KIAA1671: variants seen among roughly 807,000 people sequenced by gnomAD.
The protein encoded by KIAA1671 is KIAA1671, also known as uncharacterized protein KIAA1671.
Under a neutral mutation model 131.2 loss-of-function variants are expected in KIAA1671, and 52 were observed. That is an observed-to-expected ratio of 0.40 (90% CI 0.32 to 0.50). KIAA1671 has a LOEUF of 0.50. KIAA1671 is among the 20% of genes least tolerant of loss of function. KIAA1671 has a pLI of 0.73. For missense variants in KIAA1671, 2,360 were observed against 2,364.2 expected (o/e 1.00, Z 0.04); for synonymous variants, 1,003 against 961.6 (o/e 1.04, Z -0.80).
intron 1 of KIAA1671, among the ~76,000 whole-genome samples, chr22:25,007,129 C>T (rs1166570933): frequency 6.6e-6 from 1 of 152,092 alleles, no homozygotes; most frequent in Non-Finnish European, 1.5e-5. Context: ...ATGTTCTGCC[C>T]CCAAAACTTG....
At chr22:25,117,749 G>GA (rs1460056616) in intron 6 of KIAA1671, among the ~76,000 whole-genome samples, 2 of 151,890 alleles carry the variant, frequency 1.3e-5, no homozygotes, top group Non-Finnish European at 2.9e-5. Context: ...TCCCTACTGG[G>GA]GTCCTCCGGC....
chr22:25,093,851 TC>T (rs1930261025), intron 6 of KIAA1671, among the ~76,000 whole-genome samples: 4 of 125,754 alleles, frequency 3.2e-5, no homozygotes, highest in African/African-American at 1.1e-4. Context: ...TCTCTCTCTC[TC>T]TCTCTCTCTC....
At chr22:25,015,084 TA>T (rs1925232359) in intron 1 of KIAA1671, 1 of 151,938 alleles carries the variant, frequency 6.6e-6, no homozygotes, top group African/African-American at 2.4e-5. Context: ...ACAAAAAATT[TA>T]AAAAATTAGC....
intron 9 of KIAA1671, among the ~76,000 whole-genome samples, chr22:25,180,969 G>C (rs545126706): frequency 1.3e-5 from 2 of 152,172 alleles, no homozygotes; most frequent in Non-Finnish European, 2.9e-5. Context: ...TGGAGGAGCC[G>C]GCCAGGGGCT....
At position 25,041,072 on chromosome 22, in the gene KIAA1671, A is replaced by G. The variant is rs1012328921; in HGVS notation, c.3942A>G (p.Ile1314Met). Reference sequence around the variant, plus strand: ...AAAGGTATCCAGGGGGCTCTCCTATACCTGCGGATCCCAGGAAAAAAACGG... The same window carrying G: ...AAAGGTATCCAGGGGGCTCTCCTATGCCTGCGGATCCCAGGAAAAAAACGG... Reference protein sequence around the residue: ...PSERYPGGSPIPADPRKKTGF... With the variant: ...PSERYPGGSPMPADPRKKTGF... The change falls in exon 5 of 13, where the codon ATA (isoleucine) becomes ATG (methionine). Residue 1314 changes from isoleucine (I) to methionine (M), a missense_variant. By Grantham distance (10) the Ile-to-Met change is conservative. Coordinates refer to ENST00000358431, the MANE Select transcript of KIAA1671 (RefSeq NM_001145206.2). 10 of 1,535,640 alleles carry G rather than the reference A, an allele frequency of 6.5e-6. No individual in the cohort carries two copies. Among genetic ancestry groups the G allele is most frequent in the South Asian group, 6.2e-5 (5 of 80,836 alleles).
At chr22:25,101,080 C>A (rs1930637479) in intron 6 of KIAA1671, among the ~76,000 whole-genome samples, 1 of 152,164 alleles carries the variant, frequency 6.6e-6, no homozygotes, top group African/African-American at 2.4e-5. Flanking sequence ...GCTAACCGAG[C>A]CAACAGTATG....
At chr22:24,974,319 A>G (rs16979362) in intron 1 of KIAA1671, among the ~76,000 whole-genome samples, 2,714 of 152,180 alleles carry the variant, frequency 0.018, 81 homozygotes, top group African/African-American at 0.062. Flanking sequence ...ACAGGTACCA[A>G]TGCTACCGTT....
chr22:25,058,334 A>G (rs1927965502), intron 6 of KIAA1671: 2 of 152,248 alleles, frequency 1.3e-5, no homozygotes, highest in African/African-American at 4.8e-5. Flanking sequence ...ATTACCATCA[A>G]TGAGCCAATA....
intron 6 of KIAA1671, among the ~76,000 whole-genome samples, chr22:25,132,247 G>A (rs188636575): frequency 2.6e-5 from 4 of 152,260 alleles, no homozygotes; most frequent in East Asian, 1.9e-4. Context: ...GTTAGAGAAC[G>A]GAGGTTCTCA....
At chr22:24,960,812 A>T (rs77589844) in intron 1 of KIAA1671, among the ~76,000 whole-genome samples, 8 of 151,954 alleles carry the variant, frequency 5.3e-5, no homozygotes, top group African/African-American at 1.9e-4. Flanking sequence ...TGACCTGCCC[A>T]ATTTCCCAGC....
intron 5 of KIAA1671, among the ~76,000 whole-genome samples, chr22:25,048,774 A>G (rs1927376609): frequency 6.6e-6 from 1 of 152,182 alleles, no homozygotes; most frequent in Non-Finnish European, 1.5e-5. Context: ...GTCACCAAGA[A>G]TGACCACTGG....
At chr22:24,986,588 A>G (rs1379557969) in intron 1 of KIAA1671, among the ~76,000 whole-genome samples, 2 of 151,180 alleles carry the variant, frequency 1.3e-5, no homozygotes, top group African/African-American at 4.9e-5. Flanking sequence ...TGTAGAACCC[A>G]TGGATACAGA....
chr22:25,138,641 A>G (rs1932759217), intron 6 of KIAA1671, among the ~76,000 whole-genome samples: 1 of 152,208 alleles, frequency 6.6e-6, no homozygotes, highest in Admixed American at 6.5e-5. Context: ...ATTTTGATAT[A>G]TTCATTCATT....
intron 6 of KIAA1671, among the ~76,000 whole-genome samples, chr22:25,116,185 C>G (rs943688945): frequency 6.6e-6 from 1 of 152,080 alleles, no homozygotes; most frequent in African/African-American, 2.4e-5. Flanking sequence ...TTCAAGCCAT[C>G]CTCTCACCTC....
At chr22:25,045,748 C>T (rs1927186770) in intron 5 of KIAA1671, among the ~76,000 whole-genome samples, 1 of 151,998 alleles carries the variant, frequency 6.6e-6, no homozygotes, top group Non-Finnish European at 1.5e-5. Context: ...CACCACCATT[C>T]CTGGCTAATT....
At chr22:25,033,573 C>CG (rs1926408308) in intron 4 of KIAA1671, among the ~76,000 whole-genome samples, 4 of 71,662 alleles carry the variant, frequency 5.6e-5, no homozygotes, top group East Asian at 4.2e-4. Flanking sequence ...GGTTTGTTTT[C>CG]GTTTTTTTTT....
In KIAA1671 at chr22:25,040,935, A is replaced by T. The variant is rs760020890; in HGVS notation, c.3805A>T (p.Asn1269Tyr). The change falls in exon 5 of 13, where the codon AAT becomes TAT. Residue 1269 changes from asparagine to tyrosine, a missense_variant. Asn to Tyr is a moderately radical substitution (Grantham distance 143, BLOSUM62 -2). Transcript: ENST00000358431. ...GAAACCGGCCAGTTCTGCCGAAATAAATCACAGTTTCACTCCTGGCTTAGG... is the reference window on the plus strand; with the variant it reads ...GAAACCGGCCAGTTCTGCCGAAATATATCACAGTTTCACTCCTGGCTTAGG... ...LWKPASSAEI[N>Y]HSFTPGLGKQ... 72 of 1,487,388 alleles carry T rather than the reference A, an allele frequency of 4.8e-5. 1 individual carries two copies. Among genetic ancestry groups the T allele is most frequent in the Non-Finnish European group, 6.0e-5 (67 of 1,118,568 alleles). 92.1% of individuals were successfully genotyped at this position (1,487,388 alleles called of 1,614,324 possible).
In KIAA1671 at chr22:25,058,838, G is replaced by C. The variant is rs185145801; in HGVS notation, c.4530+9474G>C. On this transcript the variant is annotated intron_variant, in intron 6 of 12. Coordinates refer to ENST00000358431, the MANE Select transcript of KIAA1671 (RefSeq NM_001145206.2). The stretch of plus-strand genomic sequence containing the variant: ...CCTCATCACTTACGTCTGGTGCCCG[G>C]GCTGGGATGACTCGAAGGCTGGGCT... 496 of 152,370 alleles carry C rather than the reference G, an allele frequency of 3.3e-3. 4 individuals are homozygous for C. The highest frequency in any genetic ancestry group is 5.5e-3 in the Non-Finnish European group (374 of 68,140). 9.4% of individuals were successfully genotyped at this position (152,370 alleles called of 1,614,324 possible).
intron 1 of KIAA1671, among the ~76,000 whole-genome samples, chr22:24,990,749 G>C (rs763020986): frequency 2.4e-4 from 36 of 152,312 alleles, no homozygotes; most frequent in Admixed American, 2.0e-3. Flanking sequence ...CGGGTGGGCA[G>C]CTTCATGCTG....
Sources: gnomAD v4.1 joint callset for allele counts (sites outside exome capture counted in the v4.1 genomes callset) on GRCh38, gnomAD v4.1.1 for gene constraint, MANE v1.5 for transcripts, NCBI Gene and HGNC (gene_info 2026-07-23, HGNC 2026-07-21) for gene names.